Variants in GRIP1 observed in about 807,000 individuals in gnomAD.
GRIP1 encodes glutamate receptor interacting protein 1, also known as glutamate receptor-interacting protein 1.
A neutral mutation model predicts 129.9 loss-of-function variants in GRIP1; 45 were observed. That is an observed-to-expected ratio of 0.35 (90% CI 0.27 to 0.44). The LOEUF (loss-of-function observed/expected upper bound fraction) is 0.44. Ranked by LOEUF, GRIP1 falls within the 20% of genes least tolerant of loss-of-function variation. The pLI, the probability that GRIP1 is intolerant of heterozygous loss-of-function variation, is 1.00. For synonymous variants in GRIP1, 530 were observed against 520.8 expected, an observed-to-expected ratio of 1.02 and a Z score of -0.24; for missense variants, 1,196 against 1,396.8, an observed-to-expected ratio of 0.86 and a Z score of 2.29.
chr12:66,979,242 A>AAAAAAAC (rs1566104049), intron 1 of GRIP1, among the ~76,000 whole-genome samples: 1 of 148,280 alleles, frequency 6.7e-6, no homozygotes, highest in African/African-American at 2.5e-5. Context: ...AAAAAAAAAA[A>AAAAAAAC]AAAAAAAAAA....
intron 13 of GRIP1, among the ~76,000 whole-genome samples, chr12:66,435,782 C>G (rs1385015967): frequency 1.3e-5 from 2 of 152,124 alleles, no homozygotes; most frequent in Non-Finnish European, 2.9e-5. Context: ...TTATCACTTC[C>G]TGGAAAACAG....
intron 1 of GRIP1, among the ~76,000 whole-genome samples, chr12:66,870,036 A>C (rs993384727): frequency 2.6e-5 from 4 of 152,048 alleles, no homozygotes; most frequent in African/African-American, 9.7e-5. Context: ...ACCTCTACCC[A>C]TTAGATGCCA....
At chr12:66,453,232 T>C (rs1357914108) in intron 11 of GRIP1, among the ~76,000 whole-genome samples, 1 of 152,238 alleles carries the variant, frequency 6.6e-6, no homozygotes, top group African/African-American at 2.4e-5. Flanking sequence ...ATCATTTGTT[T>C]GTATTCACTA....
chr12:66,930,367 T>C (rs1223544935), intron 1 of GRIP1, among the ~76,000 whole-genome samples: 2 of 149,892 alleles, frequency 1.3e-5, no homozygotes, highest in East Asian at 4.0e-4. Flanking sequence ...TTTGGTTTTT[T>C]GTTCTTGCGA....
intron 24 of GRIP1, among the ~76,000 whole-genome samples, chr12:66,350,856 C>A (rs572791260): frequency 6.6e-6 from 1 of 152,304 alleles, no homozygotes; most frequent in South Asian, 2.1e-4. Context: ...CCAATTATAT[C>A]ATTATCCTGC....
chr12:66,791,248 G>A (rs1200086119), intron 1 of GRIP1, among the ~76,000 whole-genome samples: 1 of 152,150 alleles, frequency 6.6e-6, no homozygotes, highest in Non-Finnish European at 1.5e-5. Flanking sequence ...GGTGGGAGAA[G>A]CAGAGTCAAG....
At chr12:66,515,804 A>T in intron 6 of GRIP1, 40 bp from the exon 7 acceptor site, 1 of 1,571,420 alleles carries the variant, frequency 6.4e-7, no homozygotes, top group Non-Finnish European at 8.8e-7. Context: ...TTAATTTAGC[A>T]TAATGGGGCT....
At chr12:66,919,429 A>G (rs188533989) in intron 1 of GRIP1, among the ~76,000 whole-genome samples, 6 of 152,360 alleles carry the variant, frequency 3.9e-5, no homozygotes, top group Admixed American at 3.9e-4. Context: ...AGGTGGATTC[A>G]TTAATAATCA....
At chr12:67,051,315 T>C (rs2043343359) in intron 1 of GRIP1, among the ~76,000 whole-genome samples, 1 of 151,966 alleles carries the variant, frequency 6.6e-6, no homozygotes, top group African/African-American at 2.4e-5. Flanking sequence ...CTACTAGAGG[T>C]AGGGTCAATG....
intron 1 of GRIP1, among the ~76,000 whole-genome samples, chr12:66,826,843 C>T (rs1326848341): frequency 6.6e-6 from 1 of 151,894 alleles, no homozygotes; most frequent in Middle Eastern, 3.2e-3. Context: ...GGCTCAATTC[C>T]TCTTCTTTTC....
At chr12:66,618,361 A>G (rs1230678858) in intron 1 of GRIP1, among the ~76,000 whole-genome samples, 2 of 152,182 alleles carry the variant, frequency 1.3e-5, no homozygotes, top group African/African-American at 4.8e-5. Context: ...CATCTGGAAG[A>G]ATTCTAAGAA....
chr12:66,616,087 C>G (rs1050963799), intron 1 of GRIP1, among the ~76,000 whole-genome samples: 7 of 152,086 alleles, frequency 4.6e-5, no homozygotes, highest in African/African-American at 7.2e-5. Flanking sequence ...TCATAAACAT[C>G]CCTAAATATC....
At chr12:66,486,034 T>C (rs1592412686) in intron 7 of GRIP1, among the ~76,000 whole-genome samples, 1 of 152,222 alleles carries the variant, frequency 6.6e-6, no homozygotes, top group East Asian at 1.9e-4. Context: ...TAGATCTTAA[T>C]ATCTAGCAGT....
intron 2 of GRIP1, among the ~76,000 whole-genome samples, chr12:66,545,666 T>C (rs571307628): frequency 2.2e-4 from 33 of 152,310 alleles, no homozygotes; most frequent in African/African-American, 7.9e-4. Context: ...CCAGACAGTG[T>C]TTGAGGCATT....
chr12:66,380,689 C>G (rs1011700839), intron 19 of GRIP1, among the ~76,000 whole-genome samples: 3 of 152,160 alleles, frequency 2.0e-5, no homozygotes, highest in Admixed American at 6.5e-5. Flanking sequence ...AACATTTAGA[C>G]AACAACTTTT....
chr12:66,639,395 A>C (rs2031719883), intron 1 of GRIP1, among the ~76,000 whole-genome samples: 1 of 152,106 alleles, frequency 6.6e-6, no homozygotes. Context: ...CGTTCCAGGA[A>C]AGAGGGAATG....
intron 1 of GRIP1, among the ~76,000 whole-genome samples, chr12:66,826,019 T>C (rs1020630181): frequency 4.6e-5 from 7 of 152,178 alleles, no homozygotes; most frequent in African/African-American, 7.2e-5. Context: ...ATATGTTTAT[T>C]GCAGCACTGT....
chr12:66,644,119 C>T (rs1231176142), intron 1 of GRIP1, among the ~76,000 whole-genome samples: 1 of 152,092 alleles, frequency 6.6e-6, no homozygotes, highest in Non-Finnish European at 1.5e-5. Context: ...TCTTGTGAGA[C>T]TTATTCTCTA....
chr12:66,445,296 T>C, intron 12 of GRIP1, 26 bp downstream of exon 12: 1 of 1,595,248 alleles, frequency 6.3e-7, no homozygotes. Context: ...GAGCAGAAAA[T>C]GATGCTGTGA....
Sources: allele counts gnomAD v4.1 joint callset (sites outside exome capture counted in the v4.1 genomes callset), GRCh38; gene constraint gnomAD v4.1.1; transcripts MANE v1.5; gene names NCBI Gene and HGNC (gene_info 2026-07-23, HGNC 2026-07-21).